Variants in GNL3L observed in about 807,000 individuals in gnomAD.
GNL3L encodes the protein guanine nucleotide-binding protein-like 3-like protein.
Under a neutral mutation model 42.9 loss-of-function variants are expected in GNL3L, and 4 were observed. That is an observed-to-expected ratio of 0.09 (90% CI 0.05 to 0.21). The LOEUF is 0.21. Ranked by LOEUF, GNL3L falls within the 10% of genes least tolerant of loss-of-function variation. The pLI is 1.00. For missense variants in GNL3L, 412 were observed against 481.7 expected (o/e 0.86, Z 1.36); for synonymous variants, 159 against 176.3 (o/e 0.90, Z 0.78).
the GNL3L span, among the ~76,000 whole-genome samples, chrX:54,627,303 C>T: frequency 8.9e-6 from 1 of 111,986 alleles, no homozygotes; most frequent in Admixed American, 9.5e-5. Flanking sequence ...GCCACTGTGG[C>T]CAGCAGAAGT....
In GNL3L at chrX:54,541,214, T is replaced by C. The variant is rs1355246235; in HGVS notation, c.190-59T>C. ...CACCATTTCCTCTGTCTGTCACCCATCCCTCCCTTAGGCTGCAGACCCAGT... is the reference window on the plus strand; with the variant it reads ...CACCATTTCCTCTGTCTGTCACCCACCCCTCCCTTAGGCTGCAGACCCAGT... On this transcript the variant is annotated intron_variant, in intron 4 of 15. Coordinates refer to ENST00000360845, the MANE Select transcript of GNL3L (RefSeq NM_001184819.2). The C allele has an allele frequency of 7.0e-5, 55 of 784,554 alleles. No homozygotes were observed. In the East Asian group the frequency reaches 1.6e-3, roughly 23 times the overall value. The allele number at this position is 784,554 out of a possible 1,213,427, so 64.7% of individuals were successfully genotyped here.
Position 54,551,104 on chromosome X carries a change from C to T in GNL3L, c.863+54C>T, listed in dbSNP as rs776740881. The stretch of plus-strand genomic sequence containing the variant: ...CAATTCCTTGACCCTACCATTTCCC[C>T]CCAACTCCCATGCCTTCAGCCCCTG... On this transcript the variant is annotated intron_variant, in intron 10 of 15. Transcript: ENST00000360845. The T allele has an allele frequency of 6.1e-6, 4 of 653,439 alleles. No homozygotes were observed. The African/African-American group carries it at 8.5e-5, about 14-fold the overall frequency. The allele number at this position is 653,439 out of a possible 1,213,427, so 53.9% of individuals were successfully genotyped here.
intron 14 of GNL3L, among the ~76,000 whole-genome samples, chrX:54,554,922 G>C (rs181942591): frequency 4.2e-4 from 47 of 111,195 alleles, no homozygotes; most frequent in Middle Eastern, 4.6e-3. Context: ...CATAGAACAG[G>C]TATCACTATC....
the GNL3L span, among the ~76,000 whole-genome samples, chrX:54,637,364 T>C: frequency 8.9e-6 from 1 of 112,337 alleles, no homozygotes. Context: ...ATCTGTCTTA[T>C]TTACCCTTGT....
chrX:54,644,120 G>A, the GNL3L span, among the ~76,000 whole-genome samples: 1 of 111,657 alleles, frequency 9.0e-6, no homozygotes, highest in Admixed American at 9.5e-5. Context: ...CTTTCTTTTG[G>A]ATGTATACCT....
chrX:54,562,117 C>T lies in GNL3L; in HGVS notation c.*1515C>T, dbSNP rs974598116. Among the ~76,000 whole-genome samples the T allele has an allele frequency of 2.7e-5, 3 of 112,094 alleles. No individual in the cohort carries two copies. The highest frequency in any genetic ancestry group is 6.5e-5 in the African/African-American group (2 of 30,828). ...CTGGAGTGCAATGGCGTGATCTCGG[C>T]TCACTGCAACCTCTGCCTCCCGGGT... On this transcript the variant is annotated 3_prime_UTR_variant, in exon 16 of 16. Transcript: ENST00000360845.
intron 16 of GNL3L, among the ~76,000 whole-genome samples, chrX:54,587,704 G>A (rs778727117): frequency 9.5e-6 from 1 of 105,483 alleles, no homozygotes; most frequent in Admixed American, 1.0e-4. Context: ...CTTTTTAGAC[G>A]GAGTCTCACC....
intron 16 of GNL3L, among the ~76,000 whole-genome samples, chrX:54,584,081 A>ATT (rs36085364): frequency 1.4e-4 from 13 of 94,644 alleles, no homozygotes; most frequent in South Asian, 4.6e-4. Flanking sequence ...TCTTCTAATG[A>ATT]TTTTTTTTTT....
chrX:54,558,229 C>G (rs1355473311), intron 14 of GNL3L, among the ~76,000 whole-genome samples: 2 of 110,598 alleles, frequency 1.8e-5, no homozygotes, highest in East Asian at 2.8e-4. Context: ...TACCCCTTAT[C>G]CACCCCCCAT....
downstream of GNL3L, among the ~76,000 whole-genome samples, chrX:54,623,642 C>G (rs1291601908): frequency 4.5e-5 from 5 of 111,996 alleles, no homozygotes; most frequent in Non-Finnish European, 7.5e-5. Flanking sequence ...AATATTAAAT[C>G]TTCCTACCCA....
At chrX:54,541,751 T>A (rs1924626872) in intron 5 of GNL3L, among the ~76,000 whole-genome samples, 1 of 111,201 alleles carries the variant, frequency 9.0e-6, no homozygotes, top group Non-Finnish European at 1.9e-5. Context: ...GGAGCATATG[T>A]GAGGGGATGT....
chrX:54,558,122 T>C (rs1925151871), intron 14 of GNL3L, among the ~76,000 whole-genome samples: 1 of 111,283 alleles, frequency 9.0e-6, no homozygotes, highest in South Asian at 3.8e-4. Context: ...GACTTTGTGA[T>C]CTGCCTGTCT....
chrX:54,548,574 A>C (rs1163177395), intron 9 of GNL3L, among the ~76,000 whole-genome samples: 1 of 111,314 alleles, frequency 9.0e-6, no homozygotes, highest in African/African-American at 3.3e-5. Context: ...ACAGGGTGCC[A>C]GGCTTGGACT....
chrX:54,568,280 A>C (rs1925491119), downstream of GNL3L, among the ~76,000 whole-genome samples: 1 of 111,492 alleles, frequency 9.0e-6, no homozygotes, highest in African/African-American at 3.3e-5. Context: ...TCTTTTAATA[A>C]ATTGTTGGGA....
downstream of GNL3L, among the ~76,000 whole-genome samples, chrX:54,626,284 T>C (rs958892635): frequency 1.8e-5 from 2 of 111,750 alleles, no homozygotes; most frequent in Non-Finnish European, 3.8e-5. Flanking sequence ...ATGCAGTATT[T>C]ATCGTTCTAT....
At chrX:54,587,240 C>T (rs749108238) in intron 16 of GNL3L, among the ~76,000 whole-genome samples, 2 of 112,218 alleles carry the variant, frequency 1.8e-5, no homozygotes, top group South Asian at 7.4e-4. Context: ...CACCATGAAA[C>T]GTTCTGTAAA....
rs1356425379 is a variant in GNL3L, at chrX:54,561,166, A to G, written c.*564A>G. 1 of 112,184 alleles carries G rather than the reference A, an allele frequency of 8.9e-6. No individual in the cohort carries two copies. Among genetic ancestry groups the G allele is most frequent in the East Asian group, 2.8e-4 (1 of 3,565 alleles). 9.2% of individuals were successfully genotyped at this position (112,184 alleles called of 1,213,427 possible). A position where few individuals can be genotyped will look rare whatever the true frequency, so the allele number is the denominator to read the frequency against. ...TACTCTGTTTTACAAGAGAAATAAA[A>G]GAAGTATCAGCAGAGCTCAGGTGCT... On this transcript the variant is annotated 3_prime_UTR_variant, in exon 16 of 16. Coordinates refer to ENST00000360845, the MANE Select transcript of GNL3L (RefSeq NM_001184819.2).
At chrX:54,594,541 CT>C (rs766441455) in intron 16 of GNL3L, among the ~76,000 whole-genome samples, 159 of 94,993 alleles carry the variant, frequency 1.7e-3, no homozygotes, top group African/African-American at 3.0e-3. Context: ...ATCATTGGGC[CT>C]TTTTTTTTTT....
rs985103840 is a variant in GNL3L, at chrX:54,566,664, C to T, written c.*6062C>T. 8.9e-6 allele frequency among the ~76,000 whole-genome samples: 1 copy of T among 112,452 alleles called. No individual in the cohort carries two copies. The highest frequency in any genetic ancestry group is 1.9e-5 in the Non-Finnish European group (1 of 53,308). On this transcript the variant is annotated 3_prime_UTR_variant, in exon 16 of 16. Coordinates refer to ENST00000360845, the MANE Select transcript of GNL3L (RefSeq NM_001184819.2). ...TTTCTTTTTAATGCTGAGTATTATT[C>T]TATTGTGTGTATATACCACATTTTA...
Sources: allele counts gnomAD v4.1 joint callset (sites outside exome capture counted in the v4.1 genomes callset), GRCh38; gene constraint gnomAD v4.1.1; transcripts MANE v1.5; gene names NCBI Gene and HGNC (gene_info 2026-07-23, HGNC 2026-07-21).